Variants in TMLHE observed in about 807,000 individuals in gnomAD.
TMLHE encodes the protein trimethyllysine dioxygenase, mitochondrial.
Under a neutral mutation model 25.7 loss-of-function variants are expected in TMLHE, and 18 were observed. That is an observed-to-expected ratio of 0.70 (90% CI 0.48 to 1.04). The LOEUF (loss-of-function observed/expected upper bound fraction) is 1.04. TMLHE is among the 50% of genes least tolerant of loss of function. The probability of loss-of-function intolerance (pLI) is 0.00; values close to 1 mark genes in which losing one functional copy is unlikely to be tolerated. For missense variants in TMLHE, 236 were observed against 259.0 expected (o/e 0.91, Z 0.61); for synonymous variants, 105 against 97.0 (o/e 1.08, Z -0.49).
intron 1 of TMLHE, among the ~76,000 whole-genome samples, chrX:155,551,570 A>T (rs1301239408): frequency 9.1e-6 from 1 of 109,730 alleles, no homozygotes; most frequent in Non-Finnish European, 1.9e-5. Context: ...TGATCACAAA[A>T]TAAGTTAGAG....
At chrX:155,511,618 C>T (rs2067113537) in intron 5 of TMLHE, 55 bp downstream of exon 5, 1 of 1,093,275 alleles carries the variant, frequency 9.1e-7, no homozygotes, top group East Asian at 3.2e-5. Flanking sequence ...ATTAAGAAAC[C>T]ACTCAAGACT....
In TMLHE at chrX:155,535,557, A is replaced by G. The variant is rs1289234718; in HGVS notation, c.181+9539T>C. Among the ~76,000 whole-genome samples, 3 of 112,309 alleles carry G rather than the reference A, an allele frequency of 2.7e-5. No homozygotes were observed. In the Admixed American group the frequency reaches 2.8e-4, roughly 11 times the overall value. On this transcript the variant is annotated intron_variant, in intron 2 of 7. Coordinates refer to ENST00000334398, the MANE Select transcript of TMLHE (RefSeq NM_018196.4). ...CACATTGGGAGTTAGGCTTCAACAT[A>G]TGAATTTGGAGAAAACACATTCAGT...
At chrX:155,519,006 G>T (rs2067177482) in intron 3 of TMLHE, among the ~76,000 whole-genome samples, 1 of 41,643 alleles carries the variant, frequency 2.4e-5, no homozygotes. Flanking sequence ...AGGGTTTTTT[G>T]TGTCTCTATT....
In TMLHE at chrX:155,595,884, G is replaced by A. The variant is rs143045624; in HGVS notation, c.-2+16908C>T. ...GTTTGACAATTTCAGACAGAGGTTT[G>A]GCATTAAAAATGTTAAGAGAAGCAG... On this transcript the variant is annotated intron_variant, in intron 1 of 7. Coordinates refer to ENST00000334398, the MANE Select transcript of TMLHE (RefSeq NM_018196.4). Among the ~76,000 whole-genome samples the A allele has an allele frequency of 5.1e-3, 572 of 111,637 alleles. 3 individuals carry two copies. Among genetic ancestry groups the A allele is most frequent in the Non-Finnish European group, 8.2e-3 (436 of 53,083 alleles).
chrX:155,606,086 G>A (rs1299923266), intron 1 of TMLHE, among the ~76,000 whole-genome samples: 6 of 111,681 alleles, frequency 5.4e-5, no homozygotes, highest in African/African-American at 2.0e-4. Flanking sequence ...AGGAGCACCC[G>A]GATTCATAAA....
At chrX:155,605,820 G>A (rs1262817276) in intron 1 of TMLHE, among the ~76,000 whole-genome samples, 1 of 111,638 alleles carries the variant, frequency 9.0e-6, no homozygotes, top group Admixed American at 9.5e-5. Context: ...AAAGAAGCAA[G>A]ACCCGGTGGT....
chrX:155,541,918 A>G (rs1350049783), intron 2 of TMLHE, among the ~76,000 whole-genome samples: 3 of 109,299 alleles, frequency 2.7e-5, no homozygotes, highest in African/African-American at 1.0e-4. Flanking sequence ...AAATTTGTCT[A>G]AGTTCTTTGT....
At chrX:155,538,203 G>A (rs781896849) in intron 2 of TMLHE, among the ~76,000 whole-genome samples, 9 of 111,033 alleles carry the variant, frequency 8.1e-5, no homozygotes, top group East Asian at 2.8e-4. Flanking sequence ...TAGATTCCAC[G>A]TATGAGTGAG....
chrX:155,609,339 G>A (rs782795023), intron 1 of TMLHE, among the ~76,000 whole-genome samples: 11 of 111,178 alleles, frequency 9.9e-5, no homozygotes, highest in Non-Finnish European at 1.7e-4. Flanking sequence ...CTAATATTGA[G>A]TACACATGGA....
intron 1 of TMLHE, among the ~76,000 whole-genome samples, chrX:155,553,572 C>T (rs1317503518): frequency 1.8e-5 from 2 of 109,615 alleles, no homozygotes; most frequent in Non-Finnish European, 3.8e-5. Flanking sequence ...TTATATATCT[C>T]TTATAAACAA....
chrX:155,610,916 T>C (rs1225464996), intron 1 of TMLHE, among the ~76,000 whole-genome samples: 3 of 110,670 alleles, frequency 2.7e-5, no homozygotes, highest in Non-Finnish European at 5.7e-5. Context: ...ATCAGCATCC[T>C]GGCACAGAGT....
At chrX:155,586,959 C>T (rs2067668743) in intron 1 of TMLHE, among the ~76,000 whole-genome samples, 1 of 112,106 alleles carries the variant, frequency 8.9e-6, no homozygotes, top group Admixed American at 9.4e-5. Flanking sequence ...AATATTAACC[C>T]TCCTGAAACT....
intron 1 of TMLHE, among the ~76,000 whole-genome samples, chrX:155,547,413 G>A (rs1339728590): frequency 9.0e-6 from 1 of 111,674 alleles, no homozygotes; most frequent in Non-Finnish European, 1.9e-5. Flanking sequence ...AAAGTGCTGG[G>A]ATTACAGGCG....
intron 4 of TMLHE, 132 bp from the exon 5 acceptor site, chrX:155,511,924 A>T (rs888062145): frequency 1.4e-5 from 9 of 642,706 alleles, no homozygotes; most frequent in Non-Finnish European, 2.0e-5. Flanking sequence ...AATTTAATCC[A>T]TAAGGTGAAA....
At chrX:155,551,310 T>A (rs1405500068) in intron 1 of TMLHE, among the ~76,000 whole-genome samples, 1 of 108,539 alleles carries the variant, frequency 9.2e-6, no homozygotes, top group Non-Finnish European at 1.9e-5. Context: ...GTCGCACCCA[T>A]TAACCCGTCA....
rs2067835458 is a variant in TMLHE at position 155,612,942 on chromosome X, G to A, written c.-152C>T. The A allele has an allele frequency of 8.9e-6, 1 of 112,352 alleles. No individual in the cohort carries two copies. The highest frequency in any genetic ancestry group is 9.3e-5 in the Admixed American group (1 of 10,739). 9.3% of individuals were successfully genotyped at this position (112,352 alleles called of 1,213,427 possible). ...CCCTCCCCCAGCCCGCTCGGGCCCA[G>A]CGGAGAGCCTGTAGGCCCCGCCCCA... On this transcript the variant is annotated 5_prime_UTR_variant, in exon 1 of 8. Transcript: ENST00000334398.
At chrX:155,541,253 T>A (rs1392338273) in intron 2 of TMLHE, among the ~76,000 whole-genome samples, 1 of 110,765 alleles carries the variant, frequency 9.0e-6, no homozygotes, top group African/African-American at 3.3e-5. Context: ...TGTCCATGTG[T>A]CCTCATTGTT....
intron 1 of TMLHE, among the ~76,000 whole-genome samples, chrX:155,547,211 C>G (rs1243940878): frequency 2.2e-5 from 2 of 92,346 alleles, no homozygotes; most frequent in African/African-American, 3.6e-5. Context: ...GTGGCGCTAT[C>G]TCGGCTCACT....
intron 1 of TMLHE, among the ~76,000 whole-genome samples, chrX:155,548,936 T>C (rs781938661): frequency 2.7e-5 from 3 of 110,517 alleles, no homozygotes; most frequent in Non-Finnish European, 5.7e-5. Flanking sequence ...TCGGCAAAAA[T>C]TAAGATGTCT....
Sources: allele counts gnomAD v4.1 joint callset (sites outside exome capture counted in the v4.1 genomes callset), GRCh38; gene constraint gnomAD v4.1.1; transcripts MANE v1.5; gene names NCBI Gene and HGNC (gene_info 2026-07-23, HGNC 2026-07-21).